CEP126: variants seen among roughly 807,000 people sequenced by gnomAD.
CEP126 encodes centrosomal protein of 126 kDa.
In CEP126, 74 loss-of-function variants were observed where a neutral mutation model predicts 107.8. The observed-to-expected ratio is 0.69, with a 90% CI of 0.57 to 0.83. The LOEUF is 0.83. Among genes scored for constraint, CEP126 ranks in the 40% least tolerant of loss-of-function variants. The pLI, the probability that CEP126 is intolerant of heterozygous loss-of-function variation, is 0.00. For synonymous variants in CEP126, 449 were observed against 446.0 expected (o/e 1.01, Z -0.08); for missense variants, 1,237 against 1,281.9 (o/e 0.96, Z 0.53).
At chr11:101,922,019 A>G (rs1940336003) in intron 1 of CEP126, among the ~76,000 whole-genome samples, 1 of 151,746 alleles carries the variant, frequency 6.6e-6, no homozygotes, top group South Asian at 2.1e-4. Flanking sequence ...TCCTGACCTC[A>G]GGTGATCCAC....
intron 2 of CEP126, among the ~76,000 whole-genome samples, chr11:101,932,059 A>G (rs1940508345): frequency 6.6e-6 from 1 of 152,220 alleles, no homozygotes; most frequent in Non-Finnish European, 1.5e-5. Context: ...ATTCCAGGGT[A>G]AATAGGAAGC....
chr11:101,949,003 C>T (rs1214922293), intron 4 of CEP126, among the ~76,000 whole-genome samples: 1 of 152,102 alleles, frequency 6.6e-6, no homozygotes, highest in Non-Finnish European at 1.5e-5. Context: ...TCCTCTTGAT[C>T]CTAATTAGAG....
chr11:101,936,541 C>A (rs1229020620), intron 2 of CEP126, among the ~76,000 whole-genome samples: 1 of 152,108 alleles, frequency 6.6e-6, no homozygotes, highest in Non-Finnish European at 1.5e-5. Flanking sequence ...TCTTTCCAGT[C>A]AATATGGCTT....
chr11:101,958,309 G>A lies in CEP126; in HGVS notation c.648G>A (p.Gln216=), dbSNP rs1375663732. 2 of 1,613,950 alleles carry A rather than the reference G, an allele frequency of 1.2e-6. No individual in the cohort carries two copies. Among genetic ancestry groups the A allele is most frequent in the Middle Eastern group, 3.3e-4 (2 of 6,054 alleles). ...ATLATSKNVF[Q]LKLEETQKLL... The stretch of plus-strand genomic sequence containing the variant: ...TGGCTACTAGCAAAAATGTGTTCCA[G>A]CTTAAACTGGAGGAAACTCAGAAAC... Residue 216 remains glutamine, a synonymous_variant, in exon 5 of 11, where the codon CAG becomes CAA. Coordinates refer to ENST00000263468, the MANE Select transcript of CEP126 (RefSeq NM_020802.4).
chr11:101,944,515 A>G (rs949131646), intron 3 of CEP126, 105 bp downstream of exon 3: 6 of 1,082,852 alleles, frequency 5.5e-6, no homozygotes, highest in Non-Finnish European at 7.9e-6. Context: ...AACAAACTAA[A>G]AAGACCAATA....
At chr11:101,941,252 C>T (rs564001577) in intron 2 of CEP126, among the ~76,000 whole-genome samples, 27 of 152,080 alleles carry the variant, frequency 1.8e-4, no homozygotes, top group Non-Finnish European at 3.2e-4. Context: ...TCCAAAACTT[C>T]ATCTTGCCCA....
chr11:101,936,916 T>C (rs1290875689), intron 2 of CEP126, among the ~76,000 whole-genome samples: 1 of 152,228 alleles, frequency 6.6e-6, no homozygotes, highest in East Asian at 1.9e-4. Flanking sequence ...TATAAACTGC[T>C]GGATTTTATT....
chr11:101,950,586 A>G (rs996327467), intron 4 of CEP126, among the ~76,000 whole-genome samples: 2 of 152,236 alleles, frequency 1.3e-5, no homozygotes, highest in East Asian at 3.8e-4. Context: ...TGTTACAGAA[A>G]TACTAGCAAA....
At chr11:101,992,990 A>G (rs1297835687) in intron 10 of CEP126, 148 bp downstream of exon 10, 8 of 707,182 alleles carry the variant, frequency 1.1e-5, no homozygotes, top group Non-Finnish European at 1.6e-5. Context: ...TTTTTATTAT[A>G]AGACTGTTCA....
At chr11:101,965,654 A>C (rs1941049931) in intron 6 of CEP126, among the ~76,000 whole-genome samples, 1 of 152,224 alleles carries the variant, frequency 6.6e-6, no homozygotes, top group Admixed American at 6.5e-5. Context: ...AAATATTCTA[A>C]AATAAATAAT....
chr11:101,948,212 CA>C, intron 4 of CEP126, 70 bp downstream of exon 4: 1 of 876,434 alleles, frequency 1.1e-6, no homozygotes, highest in African/African-American at 1.7e-5. Context: ...CTGTGCTTGT[CA>C]GCTTTTTCAT....
At chr11:101,942,508 A>G (rs188778636) in intron 2 of CEP126, among the ~76,000 whole-genome samples, 23 of 149,128 alleles carry the variant, frequency 1.5e-4, no homozygotes, top group Admixed American at 2.7e-4. Context: ...TTTGATTACC[A>G]TAAATTTGTA....
chr11:101,917,562 A>G (rs1274130427), intron 1 of CEP126, among the ~76,000 whole-genome samples: 2 of 151,750 alleles, frequency 1.3e-5, no homozygotes, highest in Admixed American at 6.6e-5. Flanking sequence ...TGTCATTTCA[A>G]TCTCTTTTTC....
Position 101,998,994 on chromosome 11 carries a change from T to A in CEP126, c.*1351T>A, listed in dbSNP as rs923162255. The A allele has an allele frequency of 1.3e-5, 2 of 152,134 alleles. No homozygotes were observed. Among genetic ancestry groups the A allele is most frequent in the African/African-American group, 2.4e-5 (1 of 41,418 alleles). 9.4% of individuals were successfully genotyped at this position (152,134 alleles called of 1,614,324 possible). A position where few individuals can be genotyped will look rare whatever the true frequency, so the allele number is the denominator to read the frequency against. ...AAATGAGGAAAAACAGGAAAAGAAT[T>A]CACTTTTTAAATGAAGAAATTAGTG... is the stretch of plus-strand genomic sequence containing the variant. On this transcript the variant is annotated 3_prime_UTR_variant, in exon 11 of 11. Transcript: ENST00000263468.
At chr11:101,942,081 T>C (rs1273379160) in intron 2 of CEP126, among the ~76,000 whole-genome samples, 1 of 152,120 alleles carries the variant, frequency 6.6e-6, no homozygotes, top group East Asian at 1.9e-4. Context: ...ATTTCCTGTG[T>C]GGCCTTTTTA....
chr11:101,965,230 C>G (rs2137115209), intron 6 of CEP126, among the ~76,000 whole-genome samples: 1 of 152,238 alleles, frequency 6.6e-6, no homozygotes, highest in Non-Finnish European at 1.5e-5. Flanking sequence ...ATAGTTAGGA[C>G]TGGAGTCTGG....
intron 6 of CEP126, among the ~76,000 whole-genome samples, chr11:101,975,879 T>C (rs1941186859): frequency 6.6e-6 from 1 of 152,214 alleles, no homozygotes. Context: ...CTTAGAATAA[T>C]GGCCTCCAGC....
intron 8 of CEP126, among the ~76,000 whole-genome samples, chr11:101,984,238 A>G (rs1221847752): frequency 6.6e-6 from 1 of 152,182 alleles, no homozygotes; most frequent in East Asian, 1.9e-4. Context: ...AAGATGCCAT[A>G]CATGCTGTTG....
At chr11:101,987,409 G>T (rs1941328484) in intron 9 of CEP126, among the ~76,000 whole-genome samples, 1 of 152,102 alleles carries the variant, frequency 6.6e-6, no homozygotes. Context: ...ACATTCTTAA[G>T]ACCAATAACT....
Sources: gnomAD v4.1 joint callset for allele counts (sites outside exome capture counted in the v4.1 genomes callset) on GRCh38, gnomAD v4.1.1 for gene constraint, MANE v1.5 for transcripts, NCBI Gene and HGNC (gene_info 2026-07-23, HGNC 2026-07-21) for gene names.